The following DRC9 variants were observed in gnomAD, a reference collection of about 807,000 sequenced individuals.
The protein encoded by DRC9 is dynein regulatory complex subunit 9.
the DRC9 span, among the ~76,000 whole-genome samples, chr3:197,902,312 G>A: frequency 1.3e-5 from 2 of 152,208 alleles, no homozygotes; most frequent in East Asian, 1.9e-4. Flanking sequence ...CCCATATACC[G>A]ATGAACATCC....
chr3:197,904,134 A>T, the DRC9 span, among the ~76,000 whole-genome samples: 1 of 147,272 alleles, frequency 6.8e-6, no homozygotes, highest in Non-Finnish European at 1.5e-5. Context: ...AGGGCCAAAG[A>T]TCTGAATAGG....
the DRC9 span, chr3:197,953,802 G>A: frequency 1.4e-5 from 9 of 623,990 alleles, no homozygotes; most frequent in South Asian, 1.7e-4. Context: ...TTGTTTTATA[G>A]CTGCTGTATT....
chr3:197,889,788 T>C, the DRC9 span: 14 of 1,548,458 alleles, frequency 9.0e-6, no homozygotes, highest in Non-Finnish European at 1.2e-5. Context: ...ATAAAGGGAC[T>C]GTTGAATAAA....
chr3:197,933,555 A>G, the DRC9 span, among the ~76,000 whole-genome samples: 4 of 152,222 alleles, frequency 2.6e-5, no homozygotes, highest in African/African-American at 7.2e-5. Flanking sequence ...TTCAGAAAGT[A>G]TAAAGAATAA....
the DRC9 span, among the ~76,000 whole-genome samples, chr3:197,928,076 T>G: frequency 6.6e-6 from 1 of 152,136 alleles, no homozygotes; most frequent in Non-Finnish European, 1.5e-5. Flanking sequence ...CTGCACGTTT[T>G]GCACACGTGC....
At chr3:197,897,050 C>T in the DRC9 span, among the ~76,000 whole-genome samples, 50 of 151,120 alleles carry the variant, frequency 3.3e-4, no homozygotes, top group African/African-American at 1.2e-3. Flanking sequence ...TAATAAGTTT[C>T]AGTAAGAAAA....
chr3:197,898,788 C>T, the DRC9 span, among the ~76,000 whole-genome samples: 4 of 152,262 alleles, frequency 2.6e-5, no homozygotes, highest in South Asian at 2.1e-4. Context: ...CACCTGGTCT[C>T]GCCCTTGACA....
chr3:197,910,161 G>A, the DRC9 span, among the ~76,000 whole-genome samples: 7 of 152,106 alleles, frequency 4.6e-5, no homozygotes, highest in East Asian at 1.9e-4. Context: ...GTAGCTGGAC[G>A]TGGTGGTGCA....
the DRC9 span, among the ~76,000 whole-genome samples, chr3:197,944,366 C>A: frequency 6.6e-6 from 1 of 151,924 alleles, no homozygotes; most frequent in Non-Finnish European, 1.5e-5. Context: ...TCAAGCGATT[C>A]TCCTGCCTCA....
At chr3:197,950,226 G>C in the DRC9 span, 3 of 1,231,332 alleles carry the variant, frequency 2.4e-6, no homozygotes, top group Non-Finnish European at 3.0e-6. Flanking sequence ...GTGGAGGTGA[G>C]TGAAGGGTCT....
At chr3:197,894,370 A>G in the DRC9 span, 1 of 152,244 alleles carries the variant, frequency 6.6e-6, no homozygotes, top group Non-Finnish European at 1.5e-5. Flanking sequence ...AATGACTTCA[A>G]CATGGGATGA....
the DRC9 span, chr3:197,913,924 T>G: frequency 6.2e-7 from 1 of 1,614,208 alleles, no homozygotes; most frequent in Non-Finnish European, 8.5e-7. Flanking sequence ...GTTACACTTT[T>G]TCTGGGTCTG....
the DRC9 span, among the ~76,000 whole-genome samples, chr3:197,909,433 A>T: frequency 2.0e-5 from 3 of 152,262 alleles, no homozygotes; most frequent in African/African-American, 7.2e-5. Flanking sequence ...TAACAAATCC[A>T]CAGCAATACA....
At chr3:197,905,776 A>T in the DRC9 span, among the ~76,000 whole-genome samples, 2 of 152,134 alleles carry the variant, frequency 1.3e-5, no homozygotes, top group Non-Finnish European at 2.9e-5. Flanking sequence ...ATGATCGAGT[A>T]AGGTTTATCC....
chr3:197,933,000 A>T, the DRC9 span, among the ~76,000 whole-genome samples: 19 of 140,922 alleles, frequency 1.3e-4, 1 homozygote, highest in African/African-American at 5.0e-4. Context: ...TACATATTAT[A>T]TATGTATAAT....
At chr3:197,898,678 C>T in the DRC9 span, among the ~76,000 whole-genome samples, 2 of 152,122 alleles carry the variant, frequency 1.3e-5, no homozygotes, top group Admixed American at 6.5e-5. Flanking sequence ...GAGTGCCGAG[C>T]GAAGGAGGAA....
the DRC9 span, chr3:197,958,433 G>C: frequency 6.6e-6 from 1 of 152,234 alleles, no homozygotes; most frequent in Non-Finnish European, 1.5e-5. Flanking sequence ...TTCTGGCTTT[G>C]GGGGCTGGAT....
At chr3:197,926,134 A>T in the DRC9 span, 1 of 1,281,806 alleles carries the variant, frequency 7.8e-7, no homozygotes, top group Non-Finnish European at 1.1e-6. Context: ...ATTTGTGTTT[A>T]GAGCAGTGCT....
At chr3:197,951,217 C>T in the DRC9 span, 3 of 1,614,150 alleles carry the variant, frequency 1.9e-6, no homozygotes, top group South Asian at 2.2e-5. Context: ...CCAAAGGGAG[C>T]ACACAGCTCT....
Sources: allele counts gnomAD v4.1 joint callset (sites outside exome capture counted in the v4.1 genomes callset), GRCh38; gene constraint gnomAD v4.1.1; transcripts MANE v1.5; gene names NCBI Gene and HGNC (gene_info 2026-07-23, HGNC 2026-07-21).